Variants in PTPRD observed in about 807,000 individuals in gnomAD.
PTPRD encodes the protein receptor-type tyrosine-protein phosphatase delta.
PTPRD carries 34 observed loss-of-function variants against 214.5 expected under a neutral mutation model. That is an observed-to-expected ratio of 0.16 (90% confidence interval 0.12 to 0.21). The LOEUF is 0.21. Ranked by LOEUF, PTPRD falls within the 10% of genes least tolerant of loss-of-function variation. The pLI is 1.00. For missense variants in PTPRD, 2,545 were observed against 2,398.7 expected (o/e 1.06, Z -1.27); for synonymous variants, 1,128 against 845.7 (o/e 1.33, Z -5.79).
At chr9:9,090,386 G>A (rs985701915) in intron 10 of PTPRD, among the ~76,000 whole-genome samples, 3 of 152,092 alleles carry the variant, frequency 2.0e-5, no homozygotes, top group Non-Finnish European at 4.4e-5. Flanking sequence ...CAAATGACAG[G>A]ATTTATTATT....
chr9:9,330,254 T>C (rs1232708974), intron 9 of PTPRD, among the ~76,000 whole-genome samples: 2 of 152,098 alleles, frequency 1.3e-5, no homozygotes, highest in African/African-American at 4.8e-5. Flanking sequence ...CCCACACCAC[T>C]GGCTTAATGT....
intron 7 of PTPRD, among the ~76,000 whole-genome samples, chr9:9,595,602 A>G (rs1396786667): frequency 6.6e-6 from 1 of 151,682 alleles, no homozygotes; most frequent in Non-Finnish European, 1.5e-5. Context: ...ATGATGGAAT[A>G]CAATTCAGCC....
intron 7 of PTPRD, among the ~76,000 whole-genome samples, chr9:9,593,196 GTT>G (rs56345514): frequency 1.4e-5 from 2 of 146,520 alleles, no homozygotes; most frequent in Non-Finnish European, 1.5e-5. Flanking sequence ...TACCAGTTTT[GTT>G]TTTTTTTTGT....
chr9:9,928,382 G>A (rs947638930), intron 5 of PTPRD, among the ~76,000 whole-genome samples: 8 of 152,060 alleles, frequency 5.3e-5, no homozygotes, highest in African/African-American at 1.9e-4. Context: ...TTTTTGTCCA[G>A]AACTGAATTC....
chr9:10,517,708 C>T (rs112648247), intron 2 of PTPRD, among the ~76,000 whole-genome samples: 7 of 152,094 alleles, frequency 4.6e-5, no homozygotes, highest in South Asian at 4.1e-4. Flanking sequence ...ATTGCAGTTA[C>T]TGGTGAGAGT....
chr9:9,802,548 C>G (rs768656002), intron 5 of PTPRD, among the ~76,000 whole-genome samples: 2 of 151,796 alleles, frequency 1.3e-5, no homozygotes, highest in Admixed American at 6.6e-5. Context: ...GCTCTATAGA[C>G]TAGGGAACTC....
chr9:10,170,973 C>G lies in PTPRD; in HGVS notation c.-544-137183G>C, dbSNP rs184496166. On this transcript the variant is annotated intron_variant, in intron 3 of 45. Coordinates refer to ENST00000381196, the MANE Select transcript of PTPRD (RefSeq NM_002839.4). ...CACCAAGTCCTTTTCCTTGATTTCA[C>G]TAAGATGCAATCATTACTTCTGCAG... 5.9e-5 allele frequency among the ~76,000 whole-genome samples: 9 copies of G among 152,264 alleles called. No individual in the cohort carries two copies. In the East Asian group the frequency reaches 1.7e-3, roughly 30 times the overall value.
intron 2 of PTPRD, among the ~76,000 whole-genome samples, chr9:10,572,283 C>T (rs529650620): frequency 5.6e-4 from 85 of 152,214 alleles, no homozygotes; most frequent in African/African-American, 1.9e-3. Context: ...CAATGATAAT[C>T]GGGCCAGTAT....
chr9:9,384,296 G>C (rs1046482404), intron 9 of PTPRD, among the ~76,000 whole-genome samples: 2 of 126,692 alleles, frequency 1.6e-5, no homozygotes, highest in Non-Finnish European at 3.2e-5. Context: ...TTTACGTCAG[G>C]TATAAAAGGT....
intron 12 of PTPRD, among the ~76,000 whole-genome samples, chr9:8,681,308 C>T (rs1394770863): frequency 4.6e-5 from 7 of 151,904 alleles, no homozygotes; most frequent in African/African-American, 1.7e-4. Flanking sequence ...AAAGAACATG[C>T]TTACTAATGC....
At chr9:10,133,380 T>A (rs1004814541) in intron 3 of PTPRD, among the ~76,000 whole-genome samples, 1 of 152,184 alleles carries the variant, frequency 6.6e-6, no homozygotes, top group African/African-American at 2.4e-5. Flanking sequence ...TTGTGTCCAA[T>A]GTTTAACTCT....
chr9:10,546,005 G>C (rs187233349), intron 2 of PTPRD, among the ~76,000 whole-genome samples: 1 of 152,144 alleles, frequency 6.6e-6, no homozygotes, highest in African/African-American at 2.4e-5. Flanking sequence ...TGCAAACAAA[G>C]TAACATTTTT....
chr9:9,034,864 A>ATAAC (rs1207604404), intron 10 of PTPRD, among the ~76,000 whole-genome samples: 1 of 152,182 alleles, frequency 6.6e-6, no homozygotes, highest in African/African-American at 2.4e-5. Flanking sequence ...ATAGTAGAAA[A>ATAAC]TAACTTCAAC....
intron 9 of PTPRD, among the ~76,000 whole-genome samples, chr9:9,386,343 C>G (rs186079780): frequency 1.3e-3 from 196 of 152,176 alleles, no homozygotes; most frequent in African/African-American, 4.6e-3. Context: ...AGGTACGGCA[C>G]TGAGAAAACA....
rs994013171 is a variant in PTPRD at position 8,530,933 on chromosome 9, A to G, written c.353-2154T>C. Among the ~76,000 whole-genome samples, 5 of 152,118 alleles carry G rather than the reference A, an allele frequency of 3.3e-5. No individual in the cohort carries two copies. In the East Asian group the frequency reaches 9.7e-4, roughly 29 times the overall value. ...GAAAGTTTCTATCTTTTACTAACAC[A>G]GTCTGTGAAGGACCAAAAGAAGCTG... On this transcript the variant is annotated intron_variant, in intron 14 of 45. Transcript: ENST00000381196.
chr9:8,531,331 G>A (rs959047075), intron 14 of PTPRD, among the ~76,000 whole-genome samples: 13 of 152,050 alleles, frequency 8.5e-5, no homozygotes, highest in African/African-American at 2.9e-4. Flanking sequence ...GGCTTTAAAG[G>A]TTTTGCCAAT....
intron 22 of PTPRD, among the ~76,000 whole-genome samples, chr9:8,504,972 G>C (rs10081690): frequency 0.045 from 6,833 of 152,168 alleles, 511 homozygotes; most frequent in African/African-American, 0.15. Flanking sequence ...TATCACGTTA[G>C]TCACTAAAGA....
At chr9:10,163,055 A>G (rs2099138769) in intron 3 of PTPRD, among the ~76,000 whole-genome samples, 1 of 150,914 alleles carries the variant, frequency 6.6e-6, no homozygotes, top group African/African-American at 2.4e-5. Flanking sequence ...ACACACAAAG[A>G]GGGGGAAAGA....
intron 2 of PTPRD, among the ~76,000 whole-genome samples, chr9:10,386,554 C>G (rs188064121): frequency 3.9e-4 from 59 of 151,912 alleles, no homozygotes; most frequent in Non-Finnish European, 6.9e-4. Context: ...GGGAAAGACA[C>G]TTTTCTGTCT....
Sources: gnomAD v4.1 joint callset for allele counts (sites outside exome capture counted in the v4.1 genomes callset) on GRCh38, gnomAD v4.1.1 for gene constraint, MANE v1.5 for transcripts, NCBI Gene and HGNC (gene_info 2026-07-23, HGNC 2026-07-21) for gene names.